The following MGMT variants were observed in gnomAD, a reference collection of about 807,000 sequenced individuals.
The protein encoded by MGMT is O-6-methylguanine-DNA methyltransferase.
MGMT carries 14 observed loss-of-function variants against 15.9 expected under a neutral mutation model. The observed-to-expected ratio is 0.88, with a 90% CI of 0.58 to 1.37. MGMT has a LOEUF of 1.37. Among genes scored for constraint, MGMT ranks in the 40% most tolerant of loss-of-function variants. The probability of loss-of-function intolerance (pLI) is 0.00; values close to 1 mark genes in which losing one functional copy is unlikely to be tolerated. For synonymous variants in MGMT, 130 were observed against 118.2 expected (o/e 1.10, Z -0.65); for missense variants, 282 against 268.1 (o/e 1.05, Z -0.36).
intron 3 of MGMT, among the ~76,000 whole-genome samples, chr10:129,730,486 G>A (rs1229433679): frequency 1.3e-5 from 2 of 152,232 alleles, no homozygotes; most frequent in Admixed American, 1.3e-4. Context: ...AGAGCATCCT[G>A]TGTCTGCAAG....
chr10:129,733,933 A>C (rs1589965425), intron 3 of MGMT, among the ~76,000 whole-genome samples: 1 of 151,962 alleles, frequency 6.6e-6, no homozygotes, highest in Admixed American at 6.6e-5. Context: ...CTGTTTTGGT[A>C]CCAGTACCAT....
chr10:129,536,359 A>G lies in MGMT; in HGVS notation c.107A>G (p.Lys36Arg). The G allele has an allele frequency of 6.2e-7, 1 of 1,613,444 alleles. No homozygotes were observed. Among genetic ancestry groups the G allele is most frequent in the Non-Finnish European group, 8.5e-7 (1 of 1,179,858 alleles). The part of the protein sequence containing the change: ...QGLHEIKLLG[K>R]GTSAADAVEV... ...CTGCACGAAATAAAGCTCCTGGGCA[A>G]GGGGACGTCTGCAGCTGAGTAAGTA... is the stretch of plus-strand genomic sequence containing the variant. The change falls in exon 2 of 5, where the codon AAG becomes AGG. Residue 36 changes from lysine (K) to arginine (R), a missense_variant. Lys to Arg is a conservative substitution (Grantham distance 26). Coordinates refer to ENST00000651593, the MANE Select transcript of MGMT (RefSeq NM_002412.5).
chr10:129,500,336 G>T (rs1304232692), intron 1 of MGMT, among the ~76,000 whole-genome samples: 1 of 152,184 alleles, frequency 6.6e-6, no homozygotes, highest in Non-Finnish European at 1.5e-5. Flanking sequence ...GCCTCCCAGG[G>T]CTGCTTCAGC....
intron 2 of MGMT, among the ~76,000 whole-genome samples, chr10:129,685,786 G>A (rs893571966): frequency 6.6e-6 from 1 of 152,188 alleles, no homozygotes; most frequent in African/African-American, 2.4e-5. Flanking sequence ...GAGATGGGCA[G>A]GTACACCTCA....
chr10:129,538,141 TATC>T (rs1846005726), intron 2 of MGMT, among the ~76,000 whole-genome samples: 1 of 152,246 alleles, frequency 6.6e-6, no homozygotes, highest in South Asian at 2.1e-4. Flanking sequence ...TTTAACATTT[TATC>T]ATTTTTAAAA....
Position 129,556,280 on chromosome 10 carries a change from G to T in MGMT, c.125+19903G>T, listed in dbSNP as rs1024773320. ...AACCTCTGGATGTGACAGTATTTTT[G>T]AGATAGGGTCTCTTAGAAAGGTGAT... On this transcript the variant is annotated intron_variant, in intron 2 of 4. Coordinates refer to ENST00000651593, the MANE Select transcript of MGMT (RefSeq NM_002412.5). This position sits in a 1 kb window ranked among gnomAD's most constrained non-coding sequence, Gnocchi z 4.3. Among the ~76,000 whole-genome samples the T allele has an allele frequency of 6.6e-6, 1 of 152,184 alleles. No individual in the cohort carries two copies. The highest frequency in any genetic ancestry group is 6.5e-5 in the Admixed American group (1 of 15,280).
intron 2 of MGMT, among the ~76,000 whole-genome samples, chr10:129,587,160 G>A (rs773770945): frequency 3.3e-5 from 5 of 151,804 alleles, no homozygotes; most frequent in Non-Finnish European, 7.4e-5. Context: ...TTTGAGTTAT[G>A]TTCTTTATCG....
intron 2 of MGMT, among the ~76,000 whole-genome samples, chr10:129,537,508 A>AT (rs1845999142): frequency 1.3e-5 from 2 of 152,020 alleles, no homozygotes; most frequent in African/African-American, 4.8e-5. Context: ...GGAAAATGTC[A>AT]TTTTGTCTTT....
intron 2 of MGMT, among the ~76,000 whole-genome samples, chr10:129,703,320 A>G (rs894694727): frequency 2.6e-5 from 4 of 152,216 alleles, no homozygotes; most frequent in African/African-American, 4.8e-5. Context: ...TCACATTTCA[A>G]TTCCCTCAGC....
Position 129,767,110 on chromosome 10 carries a change from G to GTGTC in MGMT, c.*116_*119dup. The GTGTC allele has an allele frequency of 1.1e-6, 1 of 896,404 alleles. No individual in the cohort carries two copies. Among genetic ancestry groups the GTGTC allele is most frequent in the Non-Finnish European group, 1.6e-6 (1 of 610,100 alleles). 55.5% of individuals were successfully genotyped at this position (896,404 alleles called of 1,614,324 possible). A position where few individuals can be genotyped will look rare whatever the true frequency, so the allele number is the denominator to read the frequency against. ...AAGTGGCAGTGTCCTGGGAACAAGC[G>GTGTC]TGTCTGCCCTTTCTGTTTCCATATT... On this transcript the variant is annotated 3_prime_UTR_variant, in exon 5 of 5. Transcript: ENST00000651593.
At chr10:129,579,337 C>T (rs1404940911) in intron 2 of MGMT, among the ~76,000 whole-genome samples, 3 of 152,208 alleles carry the variant, frequency 2.0e-5, no homozygotes, top group Admixed American at 1.3e-4. Context: ...TACCTGCCTA[C>T]CTGTGGCTGG....
chr10:129,672,620 T>G (rs972940290), intron 2 of MGMT, among the ~76,000 whole-genome samples: 1 of 152,202 alleles, frequency 6.6e-6, no homozygotes, highest in Non-Finnish European at 1.5e-5. Flanking sequence ...CTAATTTGGT[T>G]TTAAACCCAT....
At chr10:129,667,571 C>G (rs1453391778) in intron 2 of MGMT, among the ~76,000 whole-genome samples, 1 of 152,070 alleles carries the variant, frequency 6.6e-6, no homozygotes. Flanking sequence ...CTAATGATGC[C>G]CCTGCCTGTG....
At chr10:129,536,499 A>C (rs1309307062) in intron 2 of MGMT, 122 bp downstream of exon 2, 1 of 1,236,036 alleles carries the variant, frequency 8.1e-7, no homozygotes, top group Non-Finnish European at 1.1e-6. Context: ...CCACAACCGC[A>C]ACCACGAGTC....
intron 1 of MGMT, among the ~76,000 whole-genome samples, chr10:129,485,640 G>A (rs554241878): frequency 9.9e-5 from 15 of 152,194 alleles, no homozygotes; most frequent in Non-Finnish European, 1.8e-4. Flanking sequence ...GTAAGTATTT[G>A]CAAATATTCC....
rs1464100297 is a variant in MGMT at position 129,770,900 on chromosome 10, C to T, written c.*3903C>T. ...GTGGGGGATTTAAATTTTTGGCTTC[C>T]CTCAGACCTCAGACCGTGTGGGTTT... On this transcript the variant is annotated 3_prime_UTR_variant, in exon 5 of 5. Transcript: ENST00000651593. Among the ~76,000 whole-genome samples the T allele has an allele frequency of 6.6e-6, 1 of 151,786 alleles. No individual in the cohort carries two copies. The highest frequency in any genetic ancestry group is 2.4e-5 in the African/African-American group (1 of 41,166).
chr10:129,626,579 A>G (rs1847152258), intron 2 of MGMT, among the ~76,000 whole-genome samples: 1 of 152,112 alleles, frequency 6.6e-6, no homozygotes, highest in Admixed American at 6.5e-5. Flanking sequence ...GAGGGTTGGC[A>G]GGGTGCTCTG....
intron 2 of MGMT, among the ~76,000 whole-genome samples, chr10:129,682,923 A>C (rs541887005): frequency 2.0e-5 from 3 of 152,284 alleles, no homozygotes; most frequent in African/African-American, 7.2e-5. Flanking sequence ...GTCTTGGCTC[A>C]TTGCAAACTT....
chr10:129,628,449 G>A (rs948189940), intron 2 of MGMT, among the ~76,000 whole-genome samples: 4 of 152,152 alleles, frequency 2.6e-5, no homozygotes, highest in Non-Finnish European at 4.4e-5. Flanking sequence ...GGCAGTGCTG[G>A]TCACTGCCTT....
Sources: allele counts gnomAD v4.1 joint callset (sites outside exome capture counted in the v4.1 genomes callset), GRCh38; gene constraint gnomAD v4.1.1; non-coding constraint Gnocchi (gnomAD v3.1); transcripts MANE v1.5; gene names NCBI Gene and HGNC (gene_info 2026-07-23, HGNC 2026-07-21).